The following UGT1A8 variants were observed in gnomAD, a reference collection of about 807,000 sequenced individuals.
The protein encoded by UGT1A8 is UDP-glucuronosyltransferase 1A8.
In UGT1A8, 39 loss-of-function variants were observed where a neutral mutation model predicts 45.3. That is an observed-to-expected ratio of 0.86 (90% CI 0.67 to 1.12). The LOEUF (loss-of-function observed/expected upper bound fraction) is 1.12, where lower values mean the gene tolerates loss of function less well. Among genes scored for constraint, UGT1A8 ranks in the 50% most tolerant of loss-of-function variants. UGT1A8 has a pLI of 0.00. For synonymous variants in UGT1A8, 275 were observed against 249.2 expected (o/e 1.10, Z -0.97); for missense variants, 719 against 664.9 (o/e 1.08, Z -0.90).
chr2:233,646,741 C>A (rs1331924229), intron 1 of UGT1A8, among the ~76,000 whole-genome samples: 11 of 152,212 alleles, frequency 7.2e-5, no homozygotes, highest in Non-Finnish European at 4.4e-5. Context: ...TTGGGCAAAG[C>A]TATTCAACAA....
rs574626292 is a variant in UGT1A8 at position 233,672,255 on chromosome 2, T to G, written c.855+53693T>G. On this transcript the variant is annotated intron_variant, in intron 1 of 4. Transcript: ENST00000373450. ...AAGCACAAGTACGAAGTATATATTC[T>G]CTATTAATGGGTTCATACAATGACA... 15 of 1,614,196 alleles carry G rather than the reference T, an allele frequency of 9.3e-6. No homozygotes were observed. The South Asian group carries it at 1.6e-4, about 18-fold the overall frequency.
chr2:233,695,130 CTTT>C (rs71398796), intron 1 of UGT1A8, among the ~76,000 whole-genome samples: 3 of 138,822 alleles, frequency 2.2e-5, no homozygotes, highest in Non-Finnish European at 3.1e-5. Context: ...CTTTTCTTTT[CTTT>C]TTTTTTTTTT....
intron 1 of UGT1A8, among the ~76,000 whole-genome samples, chr2:233,635,550 T>C (rs2073269913): frequency 2.0e-5 from 3 of 150,676 alleles, no homozygotes; most frequent in Admixed American, 6.7e-5. Context: ...CCCAAACACC[T>C]CCCACCATGC....
At position 233,618,007 on chromosome 2, in the gene UGT1A8, A is replaced by T; in HGVS notation, c.300A>T (p.Ala100=). The T allele has an allele frequency of 6.2e-7, 1 of 1,614,222 alleles. No individual in the cohort carries two copies. Among genetic ancestry groups the T allele is most frequent in the Non-Finnish European group, 8.5e-7 (1 of 1,180,044 alleles). ...ATTTCGCCGATGCTCAATGGAAAGCACAAGTACGAAGTTTGTTTTCTCTAT... is the reference window on the plus strand; with the variant it reads ...ATTTCGCCGATGCTCAATGGAAAGCTCAAGTACGAAGTTTGTTTTCTCTAT... ...FMDFADAQWK[A]QVRSLFSLFL... Residue 100 remains alanine (A), a synonymous_variant, in exon 1 of 5, where the codon GCA becomes GCT. Transcript: ENST00000373450.
intron 1 of UGT1A8, chr2:233,753,392 A>T (rs1289674788): frequency 6.6e-6 from 1 of 152,232 alleles, no homozygotes; most frequent in Non-Finnish European, 1.5e-5. Flanking sequence ...CTCTGAGGGT[A>T]CTAGAGCATA....
intron 1 of UGT1A8, among the ~76,000 whole-genome samples, chr2:233,627,991 A>G (rs1377460): frequency 0.78 from 118,970 of 151,872 alleles, 46,711 homozygotes; most frequent in African/African-American, 0.81. Context: ...GAGAGTATAA[A>G]TGTTATATCA....
intron 1 of UGT1A8, among the ~76,000 whole-genome samples, chr2:233,661,696 C>G: frequency 1.5e-5 from 1 of 66,732 alleles, no homozygotes; most frequent in Admixed American, 1.4e-4. Flanking sequence ...AACAAAGGTC[C>G]TTATCTGGAT....
chr2:233,682,521 T>C, intron 1 of UGT1A8: 2 of 1,613,930 alleles, frequency 1.2e-6, no homozygotes, highest in East Asian at 2.2e-5. Flanking sequence ...AGACTTCTCT[T>C]AGGGTTCTCA....
At position 233,719,232 on chromosome 2, in the gene UGT1A8, A is replaced by G. The variant is rs1490347566; in HGVS notation, c.856-47802A>G. 6 of 1,614,104 alleles carry G rather than the reference A, an allele frequency of 3.7e-6. No individual in the cohort carries two copies. In the African/African-American group the frequency reaches 8.0e-5, roughly 22 times the overall value. On this transcript the variant is annotated intron_variant, in intron 1 of 4. Coordinates refer to ENST00000373450, the MANE Select transcript of UGT1A8 (RefSeq NM_019076.5). The stretch of plus-strand genomic sequence containing the variant: ...GGAGCTACTGCATAATGAGGCCCTG[A>G]TCAGGCACCTGAATGCTACTTCCTT...
chr2:233,719,869 A>G (rs1253818666), intron 1 of UGT1A8, among the ~76,000 whole-genome samples: 1 of 152,178 alleles, frequency 6.6e-6, no homozygotes, highest in Non-Finnish European at 1.5e-5. Flanking sequence ...ACTGAGAGGA[A>G]GAAGAGGCAC....
intron 1 of UGT1A8, among the ~76,000 whole-genome samples, chr2:233,757,321 C>G (rs1250382430): frequency 6.6e-6 from 1 of 150,460 alleles, no homozygotes; most frequent in Non-Finnish European, 1.5e-5. Context: ...GGCTGGGGCC[C>G]TGAAATGGGA....
chr2:233,618,858 T>C (rs2072949636), intron 1 of UGT1A8, among the ~76,000 whole-genome samples: 1 of 152,212 alleles, frequency 6.6e-6, no homozygotes, highest in East Asian at 1.9e-4. Flanking sequence ...ACTTTCCTTT[T>C]TTGCTAATTC....
Position 233,767,084 on chromosome 2 carries a change from C to G in UGT1A8, c.906C>G (p.Phe302Leu). 6.2e-7 allele frequency: 1 copy of G among 1,614,120 alleles called. No homozygotes were observed. Among genetic ancestry groups the G allele is most frequent in the Non-Finnish European group, 8.5e-7 (1 of 1,180,022 alleles). The change falls in exon 2 of 5, where the codon TTC becomes TTG. Residue 302 changes from phenylalanine (F) to leucine (L), a missense_variant. Transcript: ENST00000373450. ...NASGEHGIVV[F>L]SLGSMVSEIP... ...CTGGAGAACATGGAATTGTGGTTTT[C>G]TCTTTGGGATCAATGGTCTCAGAAA...
chr2:233,622,658 T>C (rs2073030046), intron 1 of UGT1A8, among the ~76,000 whole-genome samples: 1 of 152,236 alleles, frequency 6.6e-6, no homozygotes. Flanking sequence ...TGCAAAAATG[T>C]TCTCCCATTT....
At chr2:233,689,976 G>C in intron 1 of UGT1A8, 1 of 454,072 alleles carries the variant, frequency 2.2e-6, no homozygotes, top group Non-Finnish European at 4.4e-6. Context: ...GAACCCACAG[G>C]CCCCTAAAAG....
At chr2:233,703,913 C>T (rs1307467754) in intron 1 of UGT1A8, among the ~76,000 whole-genome samples, 1 of 150,364 alleles carries the variant, frequency 6.7e-6, no homozygotes, top group Non-Finnish European at 1.5e-5. Context: ...TTTTTTGAGA[C>T]AAAATCTCAT....
At chr2:233,649,083 G>T in intron 1 of UGT1A8, 1 of 881,980 alleles carries the variant, frequency 1.1e-6, no homozygotes. Context: ...TATTTAAAAA[G>T]ATTCCTTACG....
At chr2:233,658,418 A>T (rs1254018889) in intron 1 of UGT1A8, among the ~76,000 whole-genome samples, 2 of 152,196 alleles carry the variant, frequency 1.3e-5, no homozygotes, top group African/African-American at 2.4e-5. Context: ...TTCTCTGCAG[A>T]TGTCATTAAT....
chr2:233,735,637 A>G (rs2078674460), intron 1 of UGT1A8, among the ~76,000 whole-genome samples: 1 of 152,170 alleles, frequency 6.6e-6, no homozygotes, highest in African/African-American at 2.4e-5. Context: ...ATGTTTTTGC[A>G]GTGGCTGGTA....
Sources: allele counts gnomAD v4.1 joint callset (sites outside exome capture counted in the v4.1 genomes callset), GRCh38; gene constraint gnomAD v4.1.1; transcripts MANE v1.5; gene names NCBI Gene and HGNC (gene_info 2026-07-23, HGNC 2026-07-21).